Variants in ANKRD30B observed in about 807,000 individuals in gnomAD.
The protein encoded by ANKRD30B is ankyrin repeat domain 30B, also known as ankyrin repeat domain-containing protein 30B.
Under a neutral mutation model 202.2 loss-of-function variants are expected in ANKRD30B, and 144 were observed. The ratio of observed to expected loss-of-function variants is 0.71; its 90% CI spans 0.62 to 0.82. The LOEUF (loss-of-function observed/expected upper bound fraction) is 0.82. Among genes scored for constraint, ANKRD30B ranks in the 40% least tolerant of loss-of-function variants. The pLI, the probability that ANKRD30B is intolerant of heterozygous loss-of-function variation, is 0.00. For missense variants in ANKRD30B, 1,487 were observed against 1,669.1 expected, an observed-to-expected ratio of 0.89 and a Z score of 1.90; for synonymous variants, 508 against 561.3, an observed-to-expected ratio of 0.91 and a Z score of 1.34.
intron 34 of ANKRD30B, among the ~76,000 whole-genome samples, chr18:14,833,342 G>A (rs1422943193): frequency 6.6e-6 from 1 of 151,252 alleles, no homozygotes; most frequent in Non-Finnish European, 1.5e-5. Context: ...CCCACCTCCC[G>A]GGTTCACACC....
chr18:14,902,232 T>G, the ANKRD30B span, among the ~76,000 whole-genome samples: 1 of 152,048 alleles, frequency 6.6e-6, no homozygotes, highest in Non-Finnish European at 1.5e-5. Flanking sequence ...TCAAGAAGAT[T>G]TAGGTGGGGA....
At chr18:14,928,903 C>T in the ANKRD30B span, among the ~76,000 whole-genome samples, 1 of 152,218 alleles carries the variant, frequency 6.6e-6, no homozygotes, top group African/African-American at 2.4e-5. Flanking sequence ...TACTTCCCTA[C>T]CTTTGGTCAT....
intron 24 of ANKRD30B, among the ~76,000 whole-genome samples, chr18:14,807,218 A>G (rs1289015319): frequency 6.6e-6 from 1 of 151,030 alleles, no homozygotes; most frequent in Non-Finnish European, 1.5e-5. Context: ...AACAAAGTAG[A>G]GAAAAATGAG....
chr18:14,773,942 C>T (rs761490958), intron 9 of ANKRD30B, among the ~76,000 whole-genome samples: 36 of 152,186 alleles, frequency 2.4e-4, no homozygotes, highest in African/African-American at 5.5e-4. Flanking sequence ...CTTGAGCCCC[C>T]GCGCCCATCC....
At chr18:14,757,708 A>G (rs1914599061) in intron 4 of ANKRD30B, 107 bp from the exon 5 acceptor site, 1 of 1,219,668 alleles carries the variant, frequency 8.2e-7, no homozygotes, top group Non-Finnish European at 1.1e-6. Context: ...ACACTTGAGC[A>G]CTCAAGATAC....
intron 39 of ANKRD30B, among the ~76,000 whole-genome samples, chr18:14,846,902 C>T (rs1971661503): frequency 6.6e-6 from 1 of 151,336 alleles, no homozygotes; most frequent in Non-Finnish European, 1.5e-5. Context: ...GGTTTTTAGA[C>T]CAGTTTAATT....
the ANKRD30B span, among the ~76,000 whole-genome samples, chr18:14,922,934 C>T: frequency 6.6e-6 from 1 of 152,114 alleles, no homozygotes; most frequent in East Asian, 1.9e-4. Context: ...ACCAGCTCAG[C>T]CACAGTAGAA....
chr18:14,826,336 A>T (rs569846561), intron 32 of ANKRD30B, among the ~76,000 whole-genome samples: 59 of 152,356 alleles, frequency 3.9e-4, no homozygotes, highest in African/African-American at 1.4e-3. Context: ...GAATTTCAGC[A>T]GTAAGATTAT....
At chr18:14,919,454 G>A in the ANKRD30B span, among the ~76,000 whole-genome samples, 3,161 of 152,238 alleles carry the variant, frequency 0.021, 106 homozygotes, top group African/African-American at 0.073. Flanking sequence ...CCCAGGTAAG[G>A]ATCATAAGCA....
chr18:14,875,400 G>A, the ANKRD30B span, among the ~76,000 whole-genome samples: 21 of 152,322 alleles, frequency 1.4e-4, no homozygotes, highest in Admixed American at 3.3e-4. Context: ...GGACAGAAGG[G>A]CATCTGGACA....
chr18:14,760,706 T>A (rs1915120986), intron 6 of ANKRD30B, 88 bp downstream of exon 6: 2 of 882,494 alleles, frequency 2.3e-6, no homozygotes, highest in Non-Finnish European at 3.5e-6. Flanking sequence ...CAAAAAGCAA[T>A]GTGCAAATAG....
chr18:14,877,034 C>T, the ANKRD30B span, among the ~76,000 whole-genome samples: 1 of 152,332 alleles, frequency 6.6e-6, no homozygotes, highest in Admixed American at 6.5e-5. Flanking sequence ...GCCAACATTC[C>T]TGGCTTCTGT....
At chr18:14,860,329 G>A in the ANKRD30B span, among the ~76,000 whole-genome samples, 35 of 114,500 alleles carry the variant, frequency 3.1e-4, no homozygotes, top group South Asian at 6.6e-4. Context: ...AGGCAGTGGC[G>A]CTCCTCACTT....
the ANKRD30B span, among the ~76,000 whole-genome samples, chr18:14,927,352 T>C: frequency 9.2e-5 from 14 of 152,228 alleles, no homozygotes; most frequent in African/African-American, 3.4e-4. Flanking sequence ...TATGTGCAGA[T>C]GACCTAATAC....
intron 10 of ANKRD30B, among the ~76,000 whole-genome samples, chr18:14,778,983 A>AG (rs1264238035): frequency 1.6e-4 from 24 of 152,298 alleles, no homozygotes; most frequent in African/African-American, 5.8e-4. Context: ...CTAAACAAAG[A>AG]GAAAAAAAGT....
chr18:14,815,582 C>A (rs1474775006), intron 30 of ANKRD30B, among the ~76,000 whole-genome samples: 6 of 151,978 alleles, frequency 3.9e-5, no homozygotes, highest in Non-Finnish European at 8.8e-5. Flanking sequence ...GATAAAGGGT[C>A]AAGACAGAAA....
Position 14,851,969 on chromosome 18 carries a change from T to A in ANKRD30B, c.4025T>A (p.Ile1342Lys), listed in dbSNP as rs758749002. The change falls in exon 42 of 44, where the codon ATA (isoleucine) becomes AAA (lysine). Residue 1342 changes from isoleucine to lysine, a missense_variant. By Grantham distance (102) the Ile-to-Lys change is moderately radical (BLOSUM62 -3). Coordinates refer to ENST00000690538, the MANE Select transcript of ANKRD30B (RefSeq NM_001367607.2). ...GIMNVDVSNT[I>K]YNNEVLHQPL... ...ATGAATGTTGATGTGAGTAATACAA[T>A]ATATAACAATGAGGTGCTCCATCAA... 6.2e-7 allele frequency: 1 copy of A among 1,601,410 alleles called. No homozygotes were observed. Among genetic ancestry groups the A allele is most frequent in the Non-Finnish European group, 8.5e-7 (1 of 1,172,820 alleles).
At chr18:14,843,225 TCCAC>T in intron 39 of ANKRD30B, 129 bp downstream of exon 39, 3 of 959,426 alleles carry the variant, frequency 3.1e-6, no homozygotes, top group Non-Finnish European at 4.3e-6. Context: ...AATAGTGGTA[TCCAC>T]ATTTGAAAAA....
chr18:14,908,355 C>T, the ANKRD30B span, among the ~76,000 whole-genome samples: 8 of 152,216 alleles, frequency 5.3e-5, no homozygotes, highest in African/African-American at 1.7e-4. Flanking sequence ...CCACAAATGA[C>T]AGCTGTGCGG....
Sources: allele counts gnomAD v4.1 joint callset (sites outside exome capture counted in the v4.1 genomes callset), GRCh38; gene constraint gnomAD v4.1.1; transcripts MANE v1.5; gene names NCBI Gene and HGNC (gene_info 2026-07-23, HGNC 2026-07-21).